SIL1: variants seen among roughly 807,000 people sequenced by gnomAD.
SIL1 encodes the protein SIL1 nucleotide exchange factor, also known as nucleotide exchange factor SIL1.
SIL1 carries 40 observed loss-of-function variants against 49.1 expected under a neutral mutation model. The observed-to-expected ratio is 0.81, with a 90% CI of 0.63 to 1.06. The LOEUF (loss-of-function observed/expected upper bound fraction) is 1.06. SIL1 is among the 50% of genes least tolerant of loss of function. The pLI is 0.00. For missense variants in SIL1, 500 were observed against 572.6 expected, an observed-to-expected ratio of 0.87 and a Z score of 1.29; for synonymous variants, 253 against 250.8, an observed-to-expected ratio of 1.01 and a Z score of -0.08.
At chr5:139,143,344 C>CATATATATATAT (rs1314250793) in intron 1 of SIL1, among the ~76,000 whole-genome samples, 25 of 97,496 alleles carry the variant, frequency 2.6e-4, no homozygotes, top group African/African-American at 9.8e-4. Context: ...CACACACACA[C>CATATATATATAT]ATATATATAT....
intron 7 of SIL1, among the ~76,000 whole-genome samples, chr5:138,973,702 C>T (rs1313625154): frequency 6.6e-6 from 1 of 151,982 alleles, no homozygotes; most frequent in Non-Finnish European, 1.5e-5. Context: ...TTCCCGCCTC[C>T]CAGAATGCTG....
chr5:139,142,099 T>A (rs988796820), intron 1 of SIL1, among the ~76,000 whole-genome samples: 1 of 152,198 alleles, frequency 6.6e-6, no homozygotes, highest in South Asian at 2.1e-4. Flanking sequence ...GCGGCCAAGA[T>A]GGAAGTGTCA....
chr5:139,187,600 C>T (rs1227613806), intron 1 of SIL1, among the ~76,000 whole-genome samples: 1 of 151,876 alleles, frequency 6.6e-6, no homozygotes, highest in African/African-American at 2.4e-5. Flanking sequence ...GAAGCATACT[C>T]AGAGGACCAC....
chr5:138,995,580 C>T (rs1330315010), intron 7 of SIL1, among the ~76,000 whole-genome samples: 1 of 152,204 alleles, frequency 6.6e-6, no homozygotes, highest in Non-Finnish European at 1.5e-5. Flanking sequence ...AATTACATTC[C>T]AGTTATTTTG....
intron 3 of SIL1, among the ~76,000 whole-genome samples, chr5:139,099,041 T>C (rs1581098765): frequency 6.6e-6 from 1 of 152,132 alleles, no homozygotes; most frequent in African/African-American, 2.4e-5. Context: ...GTTCTCAAAC[T>C]CCCAACCTCA....
At chr5:138,987,034 T>A (rs756813929) in intron 7 of SIL1, among the ~76,000 whole-genome samples, 2 of 151,954 alleles carry the variant, frequency 1.3e-5, no homozygotes, top group Non-Finnish European at 2.9e-5. Flanking sequence ...GGAAAAAAAA[T>A]TGGGTCAATT....
intron 1 of SIL1, among the ~76,000 whole-genome samples, chr5:139,130,825 C>T (rs374190288): frequency 2.3e-4 from 35 of 152,310 alleles, no homozygotes; most frequent in African/African-American, 7.7e-4. Flanking sequence ...CATGCTGCAA[C>T]ATGGAAGCTT....
intron 1 of SIL1, among the ~76,000 whole-genome samples, chr5:139,196,064 C>T (rs969657754): frequency 3.9e-5 from 6 of 152,076 alleles, no homozygotes; most frequent in African/African-American, 1.4e-4. Flanking sequence ...GTGGTGCGCC[C>T]CTGTAGTCCC....
At chr5:139,145,353 T>C (rs1232819645) in intron 1 of SIL1, among the ~76,000 whole-genome samples, 1 of 152,334 alleles carries the variant, frequency 6.6e-6, no homozygotes, top group East Asian at 1.9e-4. Flanking sequence ...GTGAAGAAAC[T>C]GGAACCCTCA....
chr5:139,038,485 G>C (rs1768967535), intron 5 of SIL1, among the ~76,000 whole-genome samples: 1 of 152,138 alleles, frequency 6.6e-6, no homozygotes, highest in African/African-American at 2.4e-5. Flanking sequence ...AAAAACCTGG[G>C]CAGCATTCCA....
At chr5:138,995,402 G>A (rs1252762186) in intron 7 of SIL1, among the ~76,000 whole-genome samples, 2 of 151,906 alleles carry the variant, frequency 1.3e-5, no homozygotes, top group East Asian at 1.9e-4. Flanking sequence ...GCACCACCAC[G>A]CCTGGCTAAT....
At position 138,970,316 on chromosome 5, in the gene SIL1, G is replaced by A. The variant is rs201377953; in HGVS notation, c.768-18432C>T. 2.0e-5 allele frequency among the ~76,000 whole-genome samples: 3 copies of A among 152,370 alleles called. No homozygotes were observed. The East Asian group carries it at 5.8e-4, about 29-fold the overall frequency. ...AAGAAACACAAGGCAAGCACCCAAT[G>A]TGTGCAAAGCAAAGTGTTAGGTACA... On this transcript the variant is annotated intron_variant, in intron 7 of 9. Transcript: ENST00000394817.
intron 3 of SIL1, among the ~76,000 whole-genome samples, chr5:139,118,280 C>T (rs969877525): frequency 1.3e-5 from 2 of 152,188 alleles, no homozygotes; most frequent in Admixed American, 1.3e-4. Flanking sequence ...CAGAAGCCTA[C>T]ATGCTCATGT....
intron 7 of SIL1, among the ~76,000 whole-genome samples, chr5:138,992,793 C>A (rs1407852126): frequency 6.6e-6 from 1 of 151,816 alleles, no homozygotes; most frequent in Non-Finnish European, 1.5e-5. Context: ...ACAGGTGCAC[C>A]AAAATCTCAG....
chr5:139,135,280 T>C (rs1264838956), intron 1 of SIL1, among the ~76,000 whole-genome samples: 3 of 152,112 alleles, frequency 2.0e-5, no homozygotes, highest in Admixed American at 1.3e-4. Context: ...CCCTATGTTT[T>C]GAAGTCATGC....
chr5:139,025,057 A>G (rs1305443509), intron 6 of SIL1, among the ~76,000 whole-genome samples: 3 of 152,220 alleles, frequency 2.0e-5, no homozygotes, highest in African/African-American at 4.8e-5. Context: ...AACATATTAC[A>G]TATAATTACT....
chr5:139,138,977 A>C (rs1282112795), intron 1 of SIL1, among the ~76,000 whole-genome samples: 1 of 152,194 alleles, frequency 6.6e-6, no homozygotes, highest in Non-Finnish European at 1.5e-5. Context: ...GCTCTGCATC[A>C]GTGCCAGCTG....
chr5:138,979,394 G>A (rs1033715022), intron 7 of SIL1, among the ~76,000 whole-genome samples: 3 of 152,174 alleles, frequency 2.0e-5, no homozygotes, highest in African/African-American at 7.2e-5. Context: ...CATACTGACT[G>A]ACTAAAAAAT....
At chr5:138,984,812 C>CA (rs1487888712) in intron 7 of SIL1, among the ~76,000 whole-genome samples, 2 of 152,168 alleles carry the variant, frequency 1.3e-5, no homozygotes, top group African/African-American at 4.8e-5. Flanking sequence ...AGGGTGTGGG[C>CA]AAAGGGTCCA....
Sources: gnomAD v4.1 joint callset for allele counts (sites outside exome capture counted in the v4.1 genomes callset) on GRCh38, gnomAD v4.1.1 for gene constraint, MANE v1.5 for transcripts, NCBI Gene and HGNC (gene_info 2026-07-23, HGNC 2026-07-21) for gene names.